Variants in CEP350 observed in about 807,000 individuals in gnomAD.
CEP350 encodes the protein centrosome-associated protein 350.
A neutral mutation model predicts 331.8 loss-of-function variants in CEP350; 126 were observed. The ratio of observed to expected loss-of-function variants is 0.38; its 90% CI spans 0.33 to 0.44. The LOEUF (loss-of-function observed/expected upper bound fraction) is 0.44, where lower values mean the gene tolerates loss of function less well. CEP350 is among the 20% of genes least tolerant of loss of function. CEP350 has a pLI of 1.00. For synonymous variants in CEP350, 1,200 were observed against 1,259.5 expected (o/e 0.95, Z 1.00); for missense variants, 3,406 against 3,634.6 (o/e 0.94, Z 1.62).
At chr1:179,964,959 G>A (rs73039997) in intron 1 of CEP350, among the ~76,000 whole-genome samples, 2,561 of 151,314 alleles carry the variant, frequency 0.017, 81 homozygotes, top group African/African-American at 0.059. Context: ...GGTTTAGTTT[G>A]TTCTTTTTCT....
intron 32 of CEP350, among the ~76,000 whole-genome samples, chr1:180,088,379 TAG>T (rs1223005153): frequency 6.8e-6 from 1 of 147,168 alleles, no homozygotes; most frequent in East Asian, 2.0e-4. Context: ...AATTGAGAAA[TAG>T]GGGTCATTTC....
At chr1:180,073,798 T>G (rs1330807832) in intron 27 of CEP350, 17 of 1,304,300 alleles carry the variant, frequency 1.3e-5, no homozygotes, top group Non-Finnish European at 1.6e-5. Flanking sequence ...ACTGCTCTCC[T>G]GTTCACTACT....
chr1:180,046,340 G>A, intron 21 of CEP350, among the ~76,000 whole-genome samples: 1 of 152,154 alleles, frequency 6.6e-6, no homozygotes. Context: ...ATTACAGTAT[G>A]TGGCCCTTTG....
Position 180,048,596 on chromosome 1 carries a change from G to C in CEP350, c.4683G>C (p.Glu1561Asp). The part of the protein sequence containing the change: ...SPSVPSCKEN[E>D]KKLNGEKIES... ...CAGTTCCATCTTGTAAGGAAAATGAGAAGAAACTTAATGGTGAAAAGATAG... is the reference window on the plus strand; with the variant it reads ...CAGTTCCATCTTGTAAGGAAAATGACAAGAAACTTAATGGTGAAAAGATAG... Residue 1561 changes from glutamate (E) to aspartate (D), a missense_variant, in exon 22 of 38, where the codon GAG (glutamate) becomes GAC (aspartate). By Grantham distance (45) the Glu-to-Asp change is conservative. Around this residue, in one of 5 missense-constraint regions of CEP350, gnomAD observed 1,857 missense variants for 1,909.2 expected, o/e 0.97. Transcript: ENST00000367607. The C allele has an allele frequency of 6.2e-7, 1 of 1,610,700 alleles. No individual in the cohort carries two copies. Among genetic ancestry groups the C allele is most frequent in the South Asian group, 1.1e-5 (1 of 90,950 alleles).
intron 32 of CEP350, among the ~76,000 whole-genome samples, chr1:180,088,023 T>G (rs995235450): frequency 6.6e-6 from 1 of 152,142 alleles, no homozygotes; most frequent in Non-Finnish European, 1.5e-5. Flanking sequence ...TTGGCTATGT[T>G]TCAGAAGTCA....
chr1:180,014,917 A>T (rs1654875977), intron 10 of CEP350, among the ~76,000 whole-genome samples: 1 of 152,236 alleles, frequency 6.6e-6, no homozygotes, highest in Non-Finnish European at 1.5e-5. Context: ...GCCTTATAAC[A>T]TAATGTTGAT....
intron 37 of CEP350, among the ~76,000 whole-genome samples, chr1:180,100,876 G>A (rs1207741047): frequency 6.6e-6 from 1 of 152,192 alleles, no homozygotes; most frequent in East Asian, 1.9e-4. Flanking sequence ...GCATGGGAAA[G>A]ACTCCCATGA....
chr1:180,061,840 G>A (rs1297250407), intron 25 of CEP350, among the ~76,000 whole-genome samples: 1 of 152,138 alleles, frequency 6.6e-6, no homozygotes, highest in Non-Finnish European at 1.5e-5. Flanking sequence ...AAACATTATA[G>A]GGGCCTAAAA....
chr1:179,991,321 T>C (rs1230969209), intron 4 of CEP350, among the ~76,000 whole-genome samples: 1 of 146,152 alleles, frequency 6.8e-6, no homozygotes, highest in African/African-American at 2.5e-5. Context: ...TTTCTTTTTT[T>C]TTTTTTTTTT....
chr1:179,958,004 T>G (rs564260221), intron 1 of CEP350, among the ~76,000 whole-genome samples: 266 of 152,342 alleles, frequency 1.7e-3, no homozygotes, highest in Non-Finnish European at 3.0e-3. Context: ...ATAGGGGCGA[T>G]ATCTCATGCA....
At chr1:179,982,614 T>G (rs73032361) in intron 1 of CEP350, among the ~76,000 whole-genome samples, 2,553 of 152,310 alleles carry the variant, frequency 0.017, 72 homozygotes, top group African/African-American at 0.058. Context: ...TTATATCCTT[T>G]CCATTGGAAA....
intron 17 of CEP350, among the ~76,000 whole-genome samples, chr1:180,039,452 G>A (rs1345104819): frequency 6.6e-6 from 1 of 151,976 alleles, no homozygotes; most frequent in African/African-American, 2.4e-5. Context: ...TTAATTTTTG[G>A]ATTTGATGTG....
chr1:179,968,479 C>T (rs992158568), intron 1 of CEP350, among the ~76,000 whole-genome samples: 3 of 152,096 alleles, frequency 2.0e-5, no homozygotes, highest in Non-Finnish European at 4.4e-5. Flanking sequence ...AAGTATACTG[C>T]ATTAAGGAGT....
Position 180,057,160 on chromosome 1 carries a change from G to A in CEP350, c.5262+2658G>A, listed in dbSNP as rs114700092. On this transcript the variant is annotated intron_variant, in intron 25 of 37. Transcript: ENST00000367607. The stretch of plus-strand genomic sequence containing the variant: ...CCTGCCCAGGCCAGAGTGCAATGGC[G>A]CGATCTTGGCTCACTGCAACCCCTG... 2.0e-3 allele frequency among the ~76,000 whole-genome samples: 294 copies of A among 149,402 alleles called. 1 individual carries two copies. Among genetic ancestry groups the A allele is most frequent in the Non-Finnish European group, 3.4e-3 (227 of 67,552 alleles).
At chr1:180,021,035 C>T in intron 12 of CEP350, 26 bp downstream of exon 12, 1 of 1,447,910 alleles carries the variant, frequency 6.9e-7, no homozygotes, top group Non-Finnish European at 9.1e-7. Context: ...ATAGCTTGTA[C>T]TGTTTGTATA....
At position 180,098,796 on chromosome 1, in the gene CEP350, A is replaced by G. The variant is rs986672244; in HGVS notation, c.9067-67A>G. On this transcript the variant is annotated intron_variant, in intron 36 of 37. Transcript: ENST00000367607. ...TTCTTATCGTGAATCTGTTTACTGC[A>G]TTGTAAACACATGAAACTCAGGAAT... is the stretch of plus-strand genomic sequence containing the variant. 239 of 1,379,150 alleles carry G rather than the reference A, an allele frequency of 1.7e-4. 3 individuals are homozygous for G. The highest frequency in any genetic ancestry group is 4.7e-5 in the Non-Finnish European group (47 of 990,604). 85.4% of individuals were successfully genotyped at this position (1,379,150 alleles called of 1,614,324 possible).
intron 29 of CEP350, among the ~76,000 whole-genome samples, chr1:180,080,149 C>G (rs531433595): frequency 6.6e-6 from 1 of 152,138 alleles, no homozygotes; most frequent in Admixed American, 6.5e-5. Flanking sequence ...CCCTTCCTCT[C>G]TCCTTTCCGT....
intron 8 of CEP350, among the ~76,000 whole-genome samples, chr1:180,010,494 G>C (rs911753418): frequency 6.7e-6 from 1 of 148,992 alleles, no homozygotes; most frequent in African/African-American, 2.5e-5. Flanking sequence ...AATTTTACCA[G>C]CATTGACTAT....
chr1:180,078,683 A>T lies in CEP350; in HGVS notation c.5979+9A>T. 6.3e-7 allele frequency: 1 copy of T among 1,576,564 alleles called. No homozygotes were observed. The highest frequency in any genetic ancestry group is 1.2e-5 in the South Asian group (1 of 86,116). ...CCTCTCCTAGTAAACATGTAAGTTA[A>T]TGTATATTTATATCTTAAAGATTCT... On this transcript the variant is annotated intron_variant, in intron 29 of 37. Coordinates refer to ENST00000367607, the MANE Select transcript of CEP350 (RefSeq NM_014810.5).
Sources: allele counts gnomAD v4.1 joint callset (sites outside exome capture counted in the v4.1 genomes callset), GRCh38; gene constraint gnomAD v4.1.1; regional missense constraint gnomAD v4.1.1; transcripts MANE v1.5; gene names NCBI Gene and HGNC (gene_info 2026-07-23, HGNC 2026-07-21).